The following CFAP90 variants were observed in gnomAD, a reference collection of about 807,000 sequenced individuals.
CFAP90 encodes the protein cilia and flagella associated protein 90, also known as cilia- and flagella-associated protein 90.
chr5:7,848,047 C>T, the CFAP90 span, among the ~76,000 whole-genome samples: 12 of 152,262 alleles, frequency 7.9e-5, no homozygotes, highest in Admixed American at 1.3e-4. Flanking sequence ...TTATCTCATG[C>T]GGTGCATTAC....
the CFAP90 span, among the ~76,000 whole-genome samples, chr5:7,849,914 A>G: frequency 6.6e-6 from 1 of 152,044 alleles, no homozygotes; most frequent in Admixed American, 6.5e-5. Flanking sequence ...GACAGACCCC[A>G]GAGGGAGCCG....
At chr5:7,832,417 C>T in the CFAP90 span, among the ~76,000 whole-genome samples, 1 of 152,154 alleles carries the variant, frequency 6.6e-6, no homozygotes, top group Non-Finnish European at 1.5e-5. Context: ...CTGCTCATCC[C>T]TCTCACTTTC....
the CFAP90 span, chr5:7,850,886 G>GGTA: frequency 8.8e-5 from 117 of 1,331,682 alleles, no homozygotes; most frequent in Non-Finnish European, 1.1e-4. Context: ...CGCGCCGGGC[G>GGTA]GTAGTAGTAG....
At chr5:7,836,004 G>T in the CFAP90 span, among the ~76,000 whole-genome samples, 1 of 152,224 alleles carries the variant, frequency 6.6e-6, no homozygotes, top group Admixed American at 6.5e-5. Context: ...CACAGGTGGT[G>T]TCTTCTCCCT....
the CFAP90 span, among the ~76,000 whole-genome samples, chr5:7,833,634 T>C: frequency 6.6e-6 from 1 of 152,148 alleles, no homozygotes; most frequent in Non-Finnish European, 1.5e-5. Context: ...CACACATATA[T>C]ACATACACAC....
the CFAP90 span, among the ~76,000 whole-genome samples, chr5:7,843,965 T>A: frequency 6.6e-6 from 1 of 152,106 alleles, no homozygotes; most frequent in African/African-American, 2.4e-5. Context: ...GAGCACATGC[T>A]CACACAGGAG....
At chr5:7,835,249 C>T in the CFAP90 span, 1 of 585,892 alleles carries the variant, frequency 1.7e-6, no homozygotes, top group Non-Finnish European at 3.0e-6. Context: ...CATAAGGTTG[C>T]CACAAACTTT....
At chr5:7,831,517 G>C in the CFAP90 span, 4 of 197,502 alleles carry the variant, frequency 2.0e-5, no homozygotes, top group Non-Finnish European at 3.1e-5. Flanking sequence ...CAACCCAACA[G>C]TTACCAAGGG....
chr5:7,837,502 T>C, the CFAP90 span, among the ~76,000 whole-genome samples: 235 of 152,248 alleles, frequency 1.5e-3, 1 homozygote, highest in African/African-American at 5.4e-3. Flanking sequence ...AAGTAGGCAG[T>C]GAAAAGGATG....
the CFAP90 span, among the ~76,000 whole-genome samples, chr5:7,839,060 G>C: frequency 6.6e-6 from 1 of 152,220 alleles, no homozygotes; most frequent in Non-Finnish European, 1.5e-5. Flanking sequence ...ATGGCAGAAG[G>C]TGAAAGGCAC....
chr5:7,833,397 C>T, the CFAP90 span, among the ~76,000 whole-genome samples: 693 of 151,998 alleles, frequency 4.6e-3, 4 homozygotes, highest in Middle Eastern at 0.014. Context: ...TACACATCCA[C>T]CTACATATGC....
At chr5:7,832,158 A>G in the CFAP90 span, 1 of 855,990 alleles carries the variant, frequency 1.2e-6, no homozygotes, top group Non-Finnish European at 1.8e-6. Flanking sequence ...CCAAGAGGGA[A>G]CCTCCACGCT....
the CFAP90 span, among the ~76,000 whole-genome samples, chr5:7,845,366 G>T: frequency 1.3e-5 from 2 of 152,156 alleles, no homozygotes; most frequent in African/African-American, 4.8e-5. Flanking sequence ...TGCTCAGGGA[G>T]GTAGAGTCCT....
chr5:7,842,841 T>C, the CFAP90 span, among the ~76,000 whole-genome samples: 1 of 152,202 alleles, frequency 6.6e-6, no homozygotes, highest in Non-Finnish European at 1.5e-5. Flanking sequence ...TGTAAATACT[T>C]CGGTCATGGT....
the CFAP90 span, among the ~76,000 whole-genome samples, chr5:7,834,504 G>A: frequency 6.6e-6 from 1 of 152,094 alleles, no homozygotes; most frequent in Non-Finnish European, 1.5e-5. Context: ...TAAATGTAGT[G>A]TAGCCAAAGT....
At chr5:7,850,486 G>T in the CFAP90 span, among the ~76,000 whole-genome samples, 1 of 151,062 alleles carries the variant, frequency 6.6e-6, no homozygotes, top group South Asian at 2.1e-4. Flanking sequence ...TCCAGTCCCC[G>T]GCGGCGCATC....
chr5:7,837,189 T>C, the CFAP90 span, among the ~76,000 whole-genome samples: 1 of 152,168 alleles, frequency 6.6e-6, no homozygotes, highest in Non-Finnish European at 1.5e-5. Flanking sequence ...AGCCATTATC[T>C]GTATTATCTC....
At chr5:7,832,480 C>T in the CFAP90 span, among the ~76,000 whole-genome samples, 1 of 152,160 alleles carries the variant, frequency 6.6e-6, no homozygotes, top group Non-Finnish European at 1.5e-5. Context: ...CTCATCACTA[C>T]CTAGAATTTG....
At chr5:7,833,295 A>G in the CFAP90 span, among the ~76,000 whole-genome samples, 6 of 152,310 alleles carry the variant, frequency 3.9e-5, no homozygotes, top group East Asian at 5.8e-4. Context: ...ACATGCATGT[A>G]CACACATATG....
Sources: allele counts gnomAD v4.1 joint callset (sites outside exome capture counted in the v4.1 genomes callset), GRCh38; gene constraint gnomAD v4.1.1; transcripts MANE v1.5; gene names NCBI Gene and HGNC (gene_info 2026-07-23, HGNC 2026-07-21).